The following SINHCAF variants were observed in gnomAD, a reference collection of about 807,000 sequenced individuals.
SINHCAF encodes SIN3-HDAC complex associated factor.
In SINHCAF, 3 loss-of-function variants were observed where a neutral mutation model predicts 25.8. The observed-to-expected ratio is 0.12, with a 90% confidence interval of 0.05 to 0.30. SINHCAF has a LOEUF of 0.30. Ranked by LOEUF, SINHCAF falls within the 10% of genes least tolerant of loss-of-function variation. SINHCAF has a pLI of 1.00. For missense variants in SINHCAF, 121 were observed against 262.3 expected, an observed-to-expected ratio of 0.46 and a Z score of 3.72; for synonymous variants, 70 against 85.5, an observed-to-expected ratio of 0.82 and a Z score of 1.00.
intron 1 of SINHCAF, among the ~76,000 whole-genome samples, chr12:31,299,984 G>A (rs1023759864): frequency 6.6e-6 from 1 of 152,144 alleles, no homozygotes; most frequent in African/African-American, 2.4e-5. Context: ...AAAAAAATAT[G>A]GTATCATAAT....
intron 5 of SINHCAF, among the ~76,000 whole-genome samples, chr12:31,285,418 T>TACATACACACACAC (rs1555110959): frequency 2.1e-5 from 3 of 141,356 alleles, no homozygotes; most frequent in Admixed American, 7.2e-5. Context: ...TATATATACA[T>TACATACACACACAC]ACACACACAC....
rs957017591 is a variant in SINHCAF, at chr12:31,324,836, T to G, written c.-21+1188A>C. 1 of 387,064 alleles carries G rather than the reference T, an allele frequency of 2.6e-6. No homozygotes were observed. The highest frequency in any genetic ancestry group is 2.1e-5 in the African/African-American group (1 of 47,810). 24.0% of individuals were successfully genotyped at this position (387,064 alleles called of 1,614,324 possible). On this transcript the variant is annotated intron_variant, in intron 1 of 5. Transcript: ENST00000337682. This position sits in a 1 kb window ranked among gnomAD's most constrained non-coding sequence, Gnocchi z 5.5. ...GGCCCATTTAATCAAAGTTTTGCAG[T>G]GTCCTTGATGAGAAACGCCCGGAGT...
At chr12:31,314,140 C>T (rs1188081100) in intron 1 of SINHCAF, among the ~76,000 whole-genome samples, 1 of 151,886 alleles carries the variant, frequency 6.6e-6, no homozygotes, top group Non-Finnish European at 1.5e-5. Context: ...CCTTTGGAGC[C>T]GTGTTTCCTG....
At chr12:31,309,300 T>A (rs1183968611) in intron 1 of SINHCAF, among the ~76,000 whole-genome samples, 1 of 151,942 alleles carries the variant, frequency 6.6e-6, no homozygotes, top group Non-Finnish European at 1.5e-5. Flanking sequence ...ACAAGGAAAA[T>A]GGGGGTGTTG....
intron 4 of SINHCAF, among the ~76,000 whole-genome samples, chr12:31,292,732 G>A (rs1165373426): frequency 6.6e-6 from 1 of 152,122 alleles, no homozygotes; most frequent in East Asian, 1.9e-4. Context: ...GGAAATAACT[G>A]AGATTACATA....
chr12:31,309,394 G>A (rs1165165505), intron 1 of SINHCAF, among the ~76,000 whole-genome samples: 1 of 152,146 alleles, frequency 6.6e-6, no homozygotes, highest in Non-Finnish European at 1.5e-5. Context: ...TCTTGCCATA[G>A]TGGCTATTAT....
At chr12:31,314,113 GACA>G (rs758062919) in intron 1 of SINHCAF, among the ~76,000 whole-genome samples, 5 of 152,088 alleles carry the variant, frequency 3.3e-5, no homozygotes, top group South Asian at 2.1e-4. Flanking sequence ...TAGGTGGAAG[GACA>G]ACAAGAGCAG....
chr12:31,301,840 A>G (rs1330886503), intron 1 of SINHCAF, among the ~76,000 whole-genome samples: 1 of 152,228 alleles, frequency 6.6e-6, no homozygotes, highest in Non-Finnish European at 1.5e-5. Context: ...TATATTTAAC[A>G]AAGTACTGGG....
At chr12:31,311,900 C>T (rs1212795242) in intron 1 of SINHCAF, 3 of 528,820 alleles carry the variant, frequency 5.7e-6, no homozygotes, top group Non-Finnish European at 1.1e-5. Flanking sequence ...CCAGCTATTT[C>T]CATTTTAATG....
At position 31,324,618 on chromosome 12, in the gene SINHCAF, C is replaced by G. The variant is rs1049068441; in HGVS notation, c.-21+1406G>C. On this transcript the variant is annotated intron_variant, in intron 1 of 5. Coordinates refer to ENST00000337682, the MANE Select transcript of SINHCAF (RefSeq NM_001135812.2). This position sits in a 1 kb window ranked among gnomAD's most constrained non-coding sequence, Gnocchi z 5.5. The stretch of plus-strand genomic sequence containing the variant: ...CGGCCCTACGCCCAGGCGGCGGCCC[C>G]GAGCGCCGGGGGCCCGCACGGGCAC... The G allele has an allele frequency of 2.7e-5, 7 of 261,498 alleles. No homozygotes were observed. The highest frequency in any genetic ancestry group is 5.2e-5 in the Admixed American group (1 of 19,324). 16.2% of individuals were successfully genotyped at this position (261,498 alleles called of 1,614,324 possible). A position where few individuals can be genotyped will look rare whatever the true frequency, so the allele number is the denominator to read the frequency against.
Position 31,281,943 on chromosome 12 carries a change from T to A in SINHCAF, c.*769A>T, listed in dbSNP as rs1937818816. ...GTCTGTCCTGCTTAATAATCAGTAG[T>A]ACAGGTGTGAATCATCAGAAGCTTG... On this transcript the variant is annotated 3_prime_UTR_variant, in exon 6 of 6. Coordinates refer to ENST00000337682, the MANE Select transcript of SINHCAF (RefSeq NM_001135812.2). 2 of 152,574 alleles carry A rather than the reference T, an allele frequency of 1.3e-5. No homozygotes were observed. The highest frequency in any genetic ancestry group is 4.8e-5 in the African/African-American group (2 of 41,564). 9.5% of individuals were successfully genotyped at this position (152,574 alleles called of 1,614,324 possible). A position where few individuals can be genotyped will look rare whatever the true frequency, so the allele number is the denominator to read the frequency against.
intron 1 of SINHCAF, chr12:31,302,965 T>G: frequency 2.0e-6 from 2 of 985,462 alleles, no homozygotes; most frequent in Non-Finnish European, 2.4e-6. Flanking sequence ...TGCAGCCATC[T>G]TGGCTCACTT....
At chr12:31,306,115 C>T (rs1469851916) in intron 1 of SINHCAF, among the ~76,000 whole-genome samples, 1 of 152,236 alleles carries the variant, frequency 6.6e-6, no homozygotes, top group Non-Finnish European at 1.5e-5. Flanking sequence ...TTACCCACTA[C>T]CATTGCCCAT....
At chr12:31,307,765 T>C (rs961601522) in intron 1 of SINHCAF, among the ~76,000 whole-genome samples, 4 of 152,140 alleles carry the variant, frequency 2.6e-5, no homozygotes, top group South Asian at 2.1e-4. Context: ...CAGTTTTATA[T>C]AGAAGGGCTA....
chr12:31,292,877 T>C (rs1200330710), intron 4 of SINHCAF, among the ~76,000 whole-genome samples: 1 of 152,184 alleles, frequency 6.6e-6, no homozygotes, highest in Non-Finnish European at 1.5e-5. Flanking sequence ...TGATTGATAA[T>C]GTTCTCTCTA....
intron 5 of SINHCAF, 31 bp from the exon 6 acceptor site, chr12:31,282,902 T>G: frequency 6.6e-7 from 1 of 1,514,694 alleles, no homozygotes; most frequent in Non-Finnish European, 8.9e-7. Context: ...CAAGATACAT[T>G]AATAAGGAAG....
intron 1 of SINHCAF, among the ~76,000 whole-genome samples, chr12:31,322,651 G>A (rs1043699004): frequency 6.6e-6 from 1 of 152,068 alleles, no homozygotes; most frequent in African/African-American, 2.4e-5. Context: ...CCAAAACTTG[G>A]GAAAAATAGG....
chr12:31,324,852 C>G lies in SINHCAF; in HGVS notation c.-21+1172G>C. On this transcript the variant is annotated intron_variant, in intron 1 of 5. Transcript: ENST00000337682. This position sits in a 1 kb window ranked among gnomAD's most constrained non-coding sequence, Gnocchi z 5.5. ...GTTTTGCAGTGTCCTTGATGAGAAA[C>G]GCCCGGAGTATCCGCCCCGCACGGG... The G allele has an allele frequency of 2.4e-6, 1 of 412,070 alleles. No individual in the cohort carries two copies. Among genetic ancestry groups the G allele is most frequent in the South Asian group, 1.7e-5 (1 of 57,870 alleles). 25.5% of individuals were successfully genotyped at this position (412,070 alleles called of 1,614,324 possible).
intron 1 of SINHCAF, among the ~76,000 whole-genome samples, chr12:31,316,046 G>A (rs1321593352): frequency 6.6e-6 from 1 of 152,020 alleles, no homozygotes; most frequent in African/African-American, 2.4e-5. Flanking sequence ...GCAGACGCCT[G>A]TAAATCTCAG....
Sources: allele counts gnomAD v4.1 joint callset (sites outside exome capture counted in the v4.1 genomes callset), GRCh38; gene constraint gnomAD v4.1.1; non-coding constraint Gnocchi (gnomAD v3.1); transcripts MANE v1.5; gene names NCBI Gene and HGNC (gene_info 2026-07-23, HGNC 2026-07-21).